The following PRKAG2 variants were observed in gnomAD, a reference collection of about 807,000 sequenced individuals.
The protein encoded by PRKAG2 is protein kinase AMP-activated non-catalytic subunit gamma 2.
PRKAG2 carries 26 observed loss-of-function variants against 69.6 expected under a neutral mutation model. The observed-to-expected ratio is 0.37, with a 90% CI of 0.27 to 0.52. PRKAG2 has a LOEUF of 0.52. PRKAG2 is among the 20% of genes least tolerant of loss of function. PRKAG2 has a pLI of 0.90. For missense variants in PRKAG2, 557 were observed against 740.0 expected (o/e 0.75, Z 2.87); for synonymous variants, 293 against 285.0 (o/e 1.03, Z -0.28).
At chr7:151,774,487 G>T (rs935542095) in intron 3 of PRKAG2, among the ~76,000 whole-genome samples, 6 of 152,028 alleles carry the variant, frequency 3.9e-5, no homozygotes, top group African/African-American at 1.5e-4. Context: ...TCATCTTCCT[G>T]CTTTCTTTCC....
At position 151,631,705 on chromosome 7, in the gene PRKAG2, GA is replaced by G. The variant is rs1186046486; in HGVS notation, c.754+363del. 1.1e-5 allele frequency: 5 copies of G among 460,464 alleles called. No homozygotes were observed. In the East Asian group the frequency reaches 3.4e-4, roughly 32 times the overall value. 28.5% of individuals were successfully genotyped at this position (460,464 alleles called of 1,614,324 possible). On this transcript the variant is annotated intron_variant, in intron 5 of 15. Coordinates refer to ENST00000287878, the MANE Select transcript of PRKAG2 (RefSeq NM_016203.4). Reference sequence around the variant, plus strand: ...ATTAAAGGGTCTGGACTGTGGGTATGATTCGGGGTTGCCTCCGAGTGCATGG... The same window carrying G: ...ATTAAAGGGTCTGGACTGTGGGTATGTTCGGGGTTGCCTCCGAGTGCATGG...
chr7:151,597,425 G>A (rs1814826383), intron 5 of PRKAG2, among the ~76,000 whole-genome samples: 1 of 152,152 alleles, frequency 6.6e-6, no homozygotes, highest in Admixed American at 6.5e-5. Flanking sequence ...ATGGACAAAT[G>A]GGATTATATC....
At chr7:151,871,263 A>G (rs2080214467) in intron 1 of PRKAG2, among the ~76,000 whole-genome samples, 1 of 152,240 alleles carries the variant, frequency 6.6e-6, no homozygotes, top group Admixed American at 6.5e-5. Context: ...ACGCACAGCT[A>G]CGCTTCCAGT....
At chr7:151,844,702 G>GTC (rs1327709414) in intron 1 of PRKAG2, among the ~76,000 whole-genome samples, 1 of 152,186 alleles carries the variant, frequency 6.6e-6, no homozygotes, top group African/African-American at 2.4e-5. Flanking sequence ...GTGGCTCACT[G>GTC]TCTCTATTTC....
At chr7:151,662,677 G>A (rs1830500408) in intron 4 of PRKAG2, among the ~76,000 whole-genome samples, 1 of 152,182 alleles carries the variant, frequency 6.6e-6, no homozygotes, top group African/African-American at 2.4e-5. Flanking sequence ...AAGGAAGGAG[G>A]ATGGCTTGAG....
At chr7:151,782,297 A>AAAGAAAGG (rs2076717972) in intron 2 of PRKAG2, among the ~76,000 whole-genome samples, 1 of 39,762 alleles carries the variant, frequency 2.5e-5, no homozygotes, top group East Asian at 7.9e-4. Flanking sequence ...GAAAGGAAAG[A>AAAGAAAGG]AAGGAAGGAA....
At chr7:151,808,379 A>T (rs756359127) in intron 1 of PRKAG2, among the ~76,000 whole-genome samples, 1 of 152,086 alleles carries the variant, frequency 6.6e-6, no homozygotes, top group Non-Finnish European at 1.5e-5. Context: ...TTGGGGGGAA[A>T]CTGCTAGACT....
At chr7:151,863,595 G>C (rs1242391391) in intron 1 of PRKAG2, among the ~76,000 whole-genome samples, 1 of 152,190 alleles carries the variant, frequency 6.6e-6, no homozygotes, top group Non-Finnish European at 1.5e-5. Context: ...GGCCACTGGA[G>C]GGCAGACCAT....
At chr7:151,703,848 ACACACACACAC>A (rs1838138337) in intron 3 of PRKAG2, among the ~76,000 whole-genome samples, 3 of 21,304 alleles carry the variant, frequency 1.4e-4, no homozygotes, top group African/African-American at 5.6e-4. Flanking sequence ...ACTGGAAAAC[ACACACACACAC>A]ACACACACAC....
At chr7:151,674,141 CCTTGTATT>C (rs1832522103) in intron 4 of PRKAG2, among the ~76,000 whole-genome samples, 1 of 152,146 alleles carries the variant, frequency 6.6e-6, no homozygotes, top group Non-Finnish European at 1.5e-5. Flanking sequence ...CCGCACCTGG[CCTTGTATT>C]CTTATAAGAA....
intron 9 of PRKAG2, among the ~76,000 whole-genome samples, chr7:151,572,114 T>C (rs1021584896): frequency 2.0e-5 from 3 of 152,232 alleles, no homozygotes; most frequent in Non-Finnish European, 4.4e-5. Context: ...AAGAGTATCA[T>C]GATTTTACAG....
chr7:151,589,052 A>G (rs1563199799), intron 6 of PRKAG2, among the ~76,000 whole-genome samples: 1 of 152,026 alleles, frequency 6.6e-6, no homozygotes, highest in Non-Finnish European at 1.5e-5. Context: ...AACTGGCTCT[A>G]TTTCAGGTTC....
intron 3 of PRKAG2, among the ~76,000 whole-genome samples, chr7:151,739,814 G>C (rs2073744055): frequency 6.6e-6 from 1 of 152,030 alleles, no homozygotes; most frequent in Non-Finnish European, 1.5e-5. Context: ...CATTTGCCCT[G>C]CCTCCTAAGC....
Position 151,699,276 on chromosome 7 carries a change from T to G in PRKAG2, c.467-23639A>C, listed in dbSNP as rs1047781556. Among the ~76,000 whole-genome samples the G allele has an allele frequency of 6.6e-6, 1 of 152,240 alleles. No individual in the cohort carries two copies. Among genetic ancestry groups the G allele is most frequent in the East Asian group, 1.9e-4 (1 of 5,192 alleles). ...TATTTCTGAAGATCTCCCACGAAGGTTGCCTCCCTCCCTGCGGTCAGGCTG... is the reference window on the plus strand; with the variant it reads ...TATTTCTGAAGATCTCCCACGAAGGGTGCCTCCCTCCCTGCGGTCAGGCTG... On this transcript the variant is annotated intron_variant, in intron 3 of 15. Coordinates refer to ENST00000287878, the MANE Select transcript of PRKAG2 (RefSeq NM_016203.4). The surrounding 1 kb of genome is among the most constrained non-coding windows in gnomAD (Gnocchi z 4.5).
chr7:151,800,940 T>C (rs1586596670), intron 1 of PRKAG2, among the ~76,000 whole-genome samples: 1 of 152,048 alleles, frequency 6.6e-6, no homozygotes, highest in African/African-American at 2.4e-5. Flanking sequence ...GGCTGCAGGG[T>C]CAGGGAGGGG....
At chr7:151,834,650 G>A (rs535446468) in intron 1 of PRKAG2, among the ~76,000 whole-genome samples, 6 of 152,342 alleles carry the variant, frequency 3.9e-5, no homozygotes, top group African/African-American at 9.6e-5. Context: ...ACCATCTGGG[G>A]TCGGAAGGGA....
rs571707946 is a variant in PRKAG2, at chr7:151,682,309, C to T, written c.467-6672G>A. On this transcript the variant is annotated intron_variant, in intron 3 of 15. Coordinates refer to ENST00000287878, the MANE Select transcript of PRKAG2 (RefSeq NM_016203.4). ...AGGCTGGGGTACAATGGTATGATCA[C>T]GGCTCACTGCAGCCTCAAACTCCTG... Among the ~76,000 whole-genome samples the T allele has an allele frequency of 5.3e-5, 8 of 152,232 alleles. No homozygotes were observed. The East Asian group carries it at 7.7e-4, about 15-fold the overall frequency.
chr7:151,804,867 CA>C lies in PRKAG2; in HGVS notation c.115-18327del. Among the ~76,000 whole-genome samples, 2 of 152,284 alleles carry C rather than the reference CA, an allele frequency of 1.3e-5. 1 individual carries two copies. ...TTTGTTGCGGCTGCTGTTCATAGAA[CA>C]AAACCAGAGCTCCAGGAGTTTTCTG... On this transcript the variant is annotated intron_variant, in intron 1 of 15. Transcript: ENST00000287878.
chr7:151,794,129 C>G (rs1163524799), intron 1 of PRKAG2, among the ~76,000 whole-genome samples: 2 of 152,200 alleles, frequency 1.3e-5, no homozygotes, highest in Non-Finnish European at 2.9e-5. Context: ...TCCCCGCCCC[C>G]CAAGGCCAAG....
Sources: allele counts gnomAD v4.1 joint callset (sites outside exome capture counted in the v4.1 genomes callset), GRCh38; gene constraint gnomAD v4.1.1; non-coding constraint Gnocchi (gnomAD v3.1); transcripts MANE v1.5; gene names NCBI Gene and HGNC (gene_info 2026-07-23, HGNC 2026-07-21).